Variants in RHBDD1 observed in about 807,000 individuals in gnomAD.
The protein encoded by RHBDD1 is rhomboid domain containing 1.
In RHBDD1, 38 loss-of-function variants were observed where a neutral mutation model predicts 36.3. The ratio of observed to expected loss-of-function variants is 1.05; its 90% CI spans 0.81 to 1.37. RHBDD1 has a LOEUF of 1.37. Among genes scored for constraint, RHBDD1 ranks in the 40% most tolerant of loss-of-function variants. The probability of loss-of-function intolerance (pLI) is 0.00; values close to 1 mark genes in which losing one functional copy is unlikely to be tolerated. For missense variants in RHBDD1, 393 were observed against 377.6 expected (o/e 1.04, Z -0.34); for synonymous variants, 151 against 136.5 (o/e 1.11, Z -0.74).
chr2:226,943,777 A>G (rs893111572), intron 8 of RHBDD1, among the ~76,000 whole-genome samples: 4 of 152,226 alleles, frequency 2.6e-5, no homozygotes, highest in African/African-American at 9.6e-5. Flanking sequence ...CAGGCCTAGT[A>G]AGGCCTATTT....
chr2:226,868,540 G>T (rs1005549928), intron 5 of RHBDD1, among the ~76,000 whole-genome samples: 1 of 152,184 alleles, frequency 6.6e-6, no homozygotes, highest in African/African-American at 2.4e-5. Context: ...TTTTACTGTG[G>T]GACTGGACGT....
At chr2:226,860,886 C>T (rs1242619253) in intron 3 of RHBDD1, among the ~76,000 whole-genome samples, 5 of 152,152 alleles carry the variant, frequency 3.3e-5, no homozygotes, top group African/African-American at 7.2e-5. Context: ...CTTTTGATTT[C>T]CTGTGGACAA....
intron 5 of RHBDD1, among the ~76,000 whole-genome samples, chr2:226,876,627 C>G (rs936716779): frequency 2.0e-5 from 3 of 152,114 alleles, no homozygotes; most frequent in Non-Finnish European, 4.4e-5. Flanking sequence ...CAATCAGGCC[C>G]CTAAATTCAT....
chr2:226,892,002 A>C (rs1306175804), intron 5 of RHBDD1, among the ~76,000 whole-genome samples: 2 of 152,098 alleles, frequency 1.3e-5, no homozygotes, highest in East Asian at 3.9e-4. Context: ...CCTCCACTGG[A>C]GGTGGGGCTG....
At chr2:226,920,882 G>A (rs997233731) in intron 8 of RHBDD1, among the ~76,000 whole-genome samples, 1 of 152,086 alleles carries the variant, frequency 6.6e-6, no homozygotes, top group East Asian at 1.9e-4. Flanking sequence ...TAGAATTAGT[G>A]TGGAAGTATT....
the RHBDD1 span, among the ~76,000 whole-genome samples, chr2:226,814,414 T>C: frequency 6.6e-6 from 1 of 152,200 alleles, no homozygotes; most frequent in Non-Finnish European, 1.5e-5. Context: ...CCCACATGGA[T>C]GACTTTGAAT....
chr2:226,944,668 A>T lies in RHBDD1; in HGVS notation c.856+30317A>T, dbSNP rs1950862758. Among the ~76,000 whole-genome samples, 4 of 152,208 alleles carry T rather than the reference A, an allele frequency of 2.6e-5. No individual in the cohort carries two copies. In the South Asian group the frequency reaches 8.3e-4, roughly 31 times the overall value. On this transcript the variant is annotated intron_variant, in intron 8 of 8. Coordinates refer to ENST00000392062, the MANE Select transcript of RHBDD1 (RefSeq NM_001167608.3). ...CATTCACTCTAAACTCAGAATTCATAGATTTTCCTCCTGAGTGGCTGTAGT... is the reference window on the plus strand; with the variant it reads ...CATTCACTCTAAACTCAGAATTCATTGATTTTCCTCCTGAGTGGCTGTAGT...
At chr2:226,886,511 C>CAGTTGCTCCA (rs1183715071) in intron 5 of RHBDD1, among the ~76,000 whole-genome samples, 1 of 152,186 alleles carries the variant, frequency 6.6e-6, no homozygotes, top group Non-Finnish European at 1.5e-5. Context: ...TGGAGTAGGA[C>CAGTTGCTCCA]AGTGGAAGCT....
the RHBDD1 span, among the ~76,000 whole-genome samples, chr2:226,815,560 G>A: frequency 9.9e-5 from 15 of 152,092 alleles, no homozygotes; most frequent in African/African-American, 3.4e-4. Flanking sequence ...GTTTTATATT[G>A]TATTAATTGA....
At chr2:226,911,190 A>C (rs539681161) in intron 7 of RHBDD1, among the ~76,000 whole-genome samples, 1 of 152,318 alleles carries the variant, frequency 6.6e-6, no homozygotes, top group South Asian at 2.1e-4. Context: ...GCAAATATTC[A>C]GAGACCTTGG....
chr2:226,986,416 G>A (rs1342978128), intron 8 of RHBDD1, among the ~76,000 whole-genome samples: 1 of 152,276 alleles, frequency 6.6e-6, no homozygotes, highest in African/African-American at 2.4e-5. Flanking sequence ...AGACTTGTCT[G>A]CAGTATCTTT....
chr2:226,822,806 T>C, the RHBDD1 span, among the ~76,000 whole-genome samples: 1 of 152,016 alleles, frequency 6.6e-6, no homozygotes, highest in South Asian at 2.1e-4. Flanking sequence ...GATGGAGCCT[T>C]GTGAATGAGT....
intron 5 of RHBDD1, chr2:226,867,708 TTTATTA>T (rs141478946): frequency 8.7e-6 from 8 of 921,176 alleles, no homozygotes; most frequent in Non-Finnish European, 1.0e-5. Context: ...TCTAATGCTT[TTTATTA>T]TTATTATTAT....
At position 226,863,030 on chromosome 2, in the gene RHBDD1, T is replaced by C. The variant is rs190435891; in HGVS notation, c.-90-1574T>C. Among the ~76,000 whole-genome samples, 201 of 152,308 alleles carry C rather than the reference T, an allele frequency of 1.3e-3. 3 individuals carry two copies. Among genetic ancestry groups the C allele is most frequent in the African/African-American group, 4.7e-3 (197 of 41,574 alleles). On this transcript the variant is annotated intron_variant, in intron 3 of 8. Transcript: ENST00000392062. ...ATGACCCAAACACCTCCCATTAGGCTCTACTTCCAATACTGGGGATCGGAT... is the reference window on the plus strand; with the variant it reads ...ATGACCCAAACACCTCCCATTAGGCCCTACTTCCAATACTGGGGATCGGAT...
intron 3 of RHBDD1, among the ~76,000 whole-genome samples, chr2:226,861,728 G>A (rs1414164031): frequency 1.3e-5 from 2 of 152,226 alleles, no homozygotes; most frequent in Non-Finnish European, 1.5e-5. Context: ...TTCTGTGTGT[G>A]TGTGTGGGCA....
chr2:226,812,647 C>CTCTCTCTTTTTTTT, the RHBDD1 span, among the ~76,000 whole-genome samples: 3 of 150,304 alleles, frequency 2.0e-5, no homozygotes, highest in African/African-American at 4.9e-5. Context: ...CTCTCTCTCT[C>CTCTCTCTTTTTTTT]TTTTTTTTTG....
At chr2:226,889,638 T>C (rs16822867) in intron 5 of RHBDD1, among the ~76,000 whole-genome samples, 26,116 of 152,180 alleles carry the variant, frequency 0.17, 3,436 homozygotes, top group African/African-American at 0.37. Context: ...TAGACTTGTG[T>C]TTCCATAAAC....
At chr2:226,864,477 G>A (rs1944149693) in intron 3 of RHBDD1, 127 bp from the exon 4 acceptor site, 5 of 544,560 alleles carry the variant, frequency 9.2e-6, no homozygotes, top group South Asian at 5.3e-5. Flanking sequence ...TGAAGATGTC[G>A]AACATAAATA....
chr2:226,986,106 C>T (rs1266438153), intron 8 of RHBDD1, among the ~76,000 whole-genome samples: 1 of 152,196 alleles, frequency 6.6e-6, no homozygotes, highest in African/African-American at 2.4e-5. Flanking sequence ...ACCATGAGGA[C>T]AAATAGCAGA....
Sources: allele counts gnomAD v4.1 joint callset (sites outside exome capture counted in the v4.1 genomes callset), GRCh38; gene constraint gnomAD v4.1.1; transcripts MANE v1.5; gene names NCBI Gene and HGNC (gene_info 2026-07-23, HGNC 2026-07-21).